The following MPDU1 variants were observed in gnomAD, a reference collection of about 807,000 sequenced individuals.
MPDU1 encodes mannose-P-dolichol utilization defect 1 protein.
MPDU1 carries 18 observed loss-of-function variants against 27.6 expected under a neutral mutation model. The ratio of observed to expected loss-of-function variants is 0.65; its 90% CI spans 0.45 to 0.97. The LOEUF is 0.97. Among genes scored for constraint, MPDU1 ranks in the 50% least tolerant of loss-of-function variants. The pLI, the probability that MPDU1 is intolerant of heterozygous loss-of-function variation, is 0.00. For synonymous variants in MPDU1, 142 were observed against 131.1 expected (o/e 1.08, Z -0.57); for missense variants, 279 against 297.4 (o/e 0.94, Z 0.46).
At chr17:7,585,537 CAA>C (rs35027440) in intron 1 of MPDU1, among the ~76,000 whole-genome samples, 193 bp from the exon 2 acceptor site, 9 of 36,332 alleles carry the variant, frequency 2.5e-4, no homozygotes, top group Non-Finnish European at 2.8e-4. Flanking sequence ...ACTCTGTCTC[CAA>C]AAAAAAAAAA....
chr17:7,585,901 A>G, intron 2 of MPDU1, 45 bp from the exon 3 acceptor site: 1 of 1,614,042 alleles, frequency 6.2e-7, no homozygotes, highest in South Asian at 1.1e-5. Context: ...TTGCATCCCA[A>G]AGAATGGAGA....
Position 7,588,023 on chromosome 17 carries a change from G to A in MPDU1, c.*472G>A. 1 of 496,116 alleles carries A rather than the reference G, an allele frequency of 2.0e-6. No homozygotes were observed. 30.7% of individuals were successfully genotyped at this position (496,116 alleles called of 1,614,324 possible). ...CTGTCTCCCGGACCCCAGTGCTGGGGTGGGGGAAGGGGGACGGAGAATGAC... is the reference window on the plus strand; with the variant it reads ...CTGTCTCCCGGACCCCAGTGCTGGGATGGGGGAAGGGGGACGGAGAATGAC... On this transcript the variant is annotated 3_prime_UTR_variant, in exon 7 of 7. Transcript: ENST00000250124.
chr17:7,583,730 G>A (rs911407743), upstream of MPDU1: 2 of 923,734 alleles, frequency 2.2e-6, no homozygotes, highest in Non-Finnish European at 3.6e-6. Flanking sequence ...GGTGGGTAGC[G>A]TCAGAAAGAG....
chr17:7,586,065 A>G lies in MPDU1; in HGVS notation c.289A>G (p.Asn97Asp). ...TGTMVYSITN[N>D]FPFSSWGEAL... ...GACCATGGTCTACAGCATCACTAAC[A>G]ACTTCCCATTCAGGTGAGGGGCCCA... The change falls in exon 3 of 7, where the codon AAC becomes GAC. Residue 97 changes from asparagine (N) to aspartate (D), a missense_variant. Asn to Asp is a conservative substitution (Grantham distance 23). Coordinates refer to ENST00000250124, the MANE Select transcript of MPDU1 (RefSeq NM_004870.4). The G allele has an allele frequency of 6.2e-7, 1 of 1,613,756 alleles. No homozygotes were observed. Among genetic ancestry groups the G allele is most frequent in the Admixed American group, 1.7e-5 (1 of 60,010 alleles).
intron 1 of MPDU1, chr17:7,584,221 A>G (rs527965417): frequency 3.3e-6 from 2 of 599,140 alleles, no homozygotes; most frequent in South Asian, 2.0e-5. Flanking sequence ...CGAAGAGTCA[A>G]CTTTTATAAA....
At chr17:7,585,081 A>G (rs1206047121) in intron 1 of MPDU1, among the ~76,000 whole-genome samples, 1 of 152,160 alleles carries the variant, frequency 6.6e-6, no homozygotes, top group African/African-American at 2.4e-5. Flanking sequence ...TGGCCCAGAG[A>G]AGGGAAATAA....
chr17:7,587,561 C>T lies in MPDU1; in HGVS notation c.*10C>T, dbSNP rs753997450. On this transcript the variant is annotated 3_prime_UTR_variant, in exon 7 of 7. Transcript: ENST00000250124. ...GAAAAAGGCGCAGTAGAGCCAGCTA[C>T]TGGAGTCATTCCGTTTCCACTCATT... The T allele has an allele frequency of 1.2e-6, 2 of 1,613,706 alleles. No individual in the cohort carries two copies. Among genetic ancestry groups the T allele is most frequent in the Admixed American group, 1.7e-5 (1 of 59,976 alleles).
In MPDU1 at chr17:7,586,885, C is replaced by T. The variant is rs759621372; in HGVS notation, c.389-14C>T. 1.2e-6 allele frequency: 2 copies of T among 1,613,420 alleles called. No homozygotes were observed. Among genetic ancestry groups the T allele is most frequent in the African/African-American group, 1.3e-5 (1 of 74,876 alleles). ...TGGAGAGATTGACAAGGACTCCTGT[C>T]TCCCCACCCCTAGGTGTCGCTTTCC... On this transcript the variant is annotated splice_polypyrimidine_tract_variant and intron_variant, in intron 4 of 6. Coordinates refer to ENST00000250124, the MANE Select transcript of MPDU1 (RefSeq NM_004870.4).
At position 7,586,040 on chromosome 17, in the gene MPDU1, G is replaced by A; in HGVS notation, c.264G>A (p.Gly88=). Reference sequence around the variant, plus strand: ...TGCTGGAGCTAGTGGCATTGACTGGGACCATGGTCTACAGCATCACTAACA... The same window carrying A: ...TGCTGGAGCTAGTGGCATTGACTGGAACCATGGTCTACAGCATCACTAACA... ...SVMLELVALT[G]TMVYSITNNF... is the part of the protein sequence containing the mutation. The change falls in exon 3 of 7, where the codon GGG becomes GGA. Residue 88 remains glycine (G), a synonymous_variant. Coordinates refer to ENST00000250124, the MANE Select transcript of MPDU1 (RefSeq NM_004870.4). The A allele has an allele frequency of 1.2e-6, 2 of 1,614,014 alleles. No individual in the cohort carries two copies. The highest frequency in any genetic ancestry group is 1.7e-6 in the Non-Finnish European group (2 of 1,180,026).
At chr17:7,585,643 A>G in intron 1 of MPDU1, 89 bp from the exon 2 acceptor site, 1 of 1,272,506 alleles carries the variant, frequency 7.9e-7, no homozygotes, top group Non-Finnish European at 1.1e-6. Context: ...GGTGTGGGTA[A>G]GGGGGCTCGG....
chr17:7,584,661 C>G (rs566577819), intron 1 of MPDU1, among the ~76,000 whole-genome samples: 1 of 152,148 alleles, frequency 6.6e-6, no homozygotes, highest in African/African-American at 2.4e-5. Context: ...AGGTTTAGTC[C>G]CTGAGTAGGG....
At chr17:7,585,910 G>C (rs1484385986) in intron 2 of MPDU1, 36 bp from the exon 3 acceptor site, 6 of 1,613,952 alleles carry the variant, frequency 3.7e-6, no homozygotes, top group Non-Finnish European at 5.1e-6. Flanking sequence ...AAAGAATGGA[G>C]AGTCCTCAGT....
At chr17:7,585,281 A>G (rs1269191811) in intron 1 of MPDU1, among the ~76,000 whole-genome samples, 1 of 152,012 alleles carries the variant, frequency 6.6e-6, no homozygotes, top group African/African-American at 2.4e-5. Context: ...CGAGCTTATA[A>G]TCCCAGCACT....
rs763006629 is a variant in MPDU1, at chr17:7,586,982, C to G, written c.472C>G (p.Gln158Glu). The change falls in exon 5 of 7, where the codon CAG becomes GAG. Residue 158 changes from glutamine (Q) to glutamate (E), a missense_variant. Coordinates refer to ENST00000250124, the MANE Select transcript of MPDU1 (RefSeq NM_004870.4). The stretch of plus-strand genomic sequence containing the variant: ...GCCCTTGACTGTAGTCACCCTGCTC[C>G]AGGCCTCCAATGTGCCTGCTGTGGT... Reference protein sequence around the residue: ...LTPLTVVTLLQASNVPAVVVG... With the variant: ...LTPLTVVTLLEASNVPAVVVG... 1 of 1,611,420 alleles carries G rather than the reference C, an allele frequency of 6.2e-7. No individual in the cohort carries two copies. Among genetic ancestry groups the G allele is most frequent in the Non-Finnish European group, 8.5e-7 (1 of 1,179,480 alleles).
At chr17:7,586,482 C>T in intron 3 of MPDU1, 1 of 639,988 alleles carries the variant, frequency 1.6e-6, no homozygotes, top group South Asian at 1.8e-5. Context: ...AGTTTTAAGC[C>T]CTTTTAGAAA....
chr17:7,585,659 G>A (rs2071570017), intron 1 of MPDU1, 73 bp from the exon 2 acceptor site: 1 of 1,469,764 alleles, frequency 6.8e-7, no homozygotes, highest in East Asian at 2.3e-5. Context: ...CTCGGGGAGA[G>A]CCCACAGGAG....
intron 6 of MPDU1, 68 bp from the exon 7 acceptor site, chr17:7,587,358 T>C: frequency 6.2e-7 from 1 of 1,613,744 alleles, no homozygotes; most frequent in African/African-American, 1.3e-5. Context: ...GTGAGGAACC[T>C]TTGTCCATAA....
At chr17:7,585,881 A>G in intron 2 of MPDU1, 65 bp from the exon 3 acceptor site, 2 of 1,612,786 alleles carry the variant, frequency 1.2e-6, no homozygotes, top group Non-Finnish European at 1.7e-6. Flanking sequence ...TTCGTTCTAT[A>G]GCTGTTGTGT....
At chr17:7,586,590 A>G (rs1444461611) in intron 3 of MPDU1, 102 bp from the exon 4 acceptor site, 1 of 1,022,708 alleles carries the variant, frequency 9.8e-7, no homozygotes, top group Non-Finnish European at 1.5e-6. Context: ...GGCTGTAGAG[A>G]AGCGTGATCA....
Sources: gnomAD v4.1 joint callset for allele counts (sites outside exome capture counted in the v4.1 genomes callset) on GRCh38, gnomAD v4.1.1 for gene constraint, MANE v1.5 for transcripts, NCBI Gene and HGNC (gene_info 2026-07-23, HGNC 2026-07-21) for gene names.